Variants in USP54 observed in about 807,000 individuals in gnomAD.
USP54 encodes the protein ubiquitin specific peptidase 54.
A neutral mutation model predicts 170.5 loss-of-function variants in USP54; 87 were observed. The ratio of observed to expected loss-of-function variants is 0.51; its 90% CI spans 0.43 to 0.61. USP54 has a LOEUF of 0.61. USP54 is among the 20% of genes least tolerant of loss of function. The pLI is 0.00. For synonymous variants in USP54, 655 were observed against 742.8 expected, an observed-to-expected ratio of 0.88 and a Z score of 1.92; for missense variants, 1,786 against 2,047.8, an observed-to-expected ratio of 0.87 and a Z score of 2.47.
intron 1 of USP54, among the ~76,000 whole-genome samples, chr10:73,585,901 G>A (rs966408528): frequency 1.3e-5 from 2 of 152,012 alleles, no homozygotes; most frequent in African/African-American, 4.8e-5. Context: ...CGTGCCTGTA[G>A]TCCCAGGAGG....
At chr10:73,543,235 A>G in intron 5 of USP54, 104 bp from the exon 6 acceptor site, 1 of 785,022 alleles carries the variant, frequency 1.3e-6, no homozygotes, top group African/African-American at 1.8e-5. Context: ...TCTGGAAGGT[A>G]GGAATATTTT....
At chr10:73,565,678 C>T (rs74147530) in intron 4 of USP54, among the ~76,000 whole-genome samples, 2,286 of 152,188 alleles carry the variant, frequency 0.015, 67 homozygotes, top group African/African-American at 0.052. Context: ...ACATGAGTAC[C>T]ACCACACTGG....
chr10:73,560,663 CAAAAAAAA>C lies in USP54; in HGVS notation c.240+10750_240+10757del, dbSNP rs751168962. ...TGGGTGACAGTGCAAAACTCCGTCT[CAAAAAAAA>C]AAAAAAAAAAAAAAAAAAGTGAGAC... On this transcript the variant is annotated intron_variant, in intron 4 of 23. Transcript: ENST00000687698. Among the ~76,000 whole-genome samples the C allele has an allele frequency of 1.5e-3, 25 of 16,470 alleles. No homozygotes were observed. The Admixed American group carries it at 0.016, about 11-fold the overall frequency. The allele number at this position is 16,470 out of a possible 152,430, so 10.8% of individuals were successfully genotyped here. A position where few individuals can be genotyped will look rare whatever the true frequency, so the allele number is the denominator to read the frequency against.
At position 73,532,365 on chromosome 10, in the gene USP54, C is replaced by T. The variant is rs768166063; in HGVS notation, c.1316-1530G>A. Among the ~76,000 whole-genome samples the T allele has an allele frequency of 4.6e-5, 7 of 152,086 alleles. No individual in the cohort carries two copies. The South Asian group carries it at 6.2e-4, about 14-fold the overall frequency. Reference sequence around the variant, plus strand: ...CTTTTTGTATTTTTTTTAGTAGAGACGGGGTTTCACCATGTTAGCCAGGAT... The same window carrying T: ...CTTTTTGTATTTTTTTTAGTAGAGATGGGGTTTCACCATGTTAGCCAGGAT... On this transcript the variant is annotated intron_variant, in intron 12 of 23. Coordinates refer to ENST00000687698, the MANE Select transcript of USP54 (RefSeq NM_001391956.1).
At chr10:73,553,199 T>C (rs1321943393) in intron 4 of USP54, 2 of 152,220 alleles carry the variant, frequency 1.3e-5, no homozygotes, top group African/African-American at 4.8e-5. Flanking sequence ...GTCTCCACAA[T>C]ATAATCTTTT....
Position 73,498,369 on chromosome 10 carries a change from G to GTATCATTAAAAAA in USP54, c.*259_*260insTTTTTTAATGATA. 1 of 219,772 alleles carries GTATCATTAAAAAA rather than the reference G, an allele frequency of 4.6e-6. No homozygotes were observed. The highest frequency in any genetic ancestry group is 5.2e-5 in the Admixed American group (1 of 19,400). The allele number at this position is 219,772 out of a possible 1,614,324, so 13.6% of individuals were successfully genotyped here. On this transcript the variant is annotated 3_prime_UTR_variant, in exon 24 of 24. Coordinates refer to ENST00000687698, the MANE Select transcript of USP54 (RefSeq NM_001391956.1). ...CGGCTCACTGCAACCTCTGCCTCCC[G>GTATCATTAAAAAA]GGTTCAAGCAATTCTCCTGCCTCAG... is the stretch of plus-strand genomic sequence containing the variant.
At chr10:73,571,242 C>T (rs1435148109) in intron 4 of USP54, among the ~76,000 whole-genome samples, 179 bp downstream of exon 4, 1 of 151,810 alleles carries the variant, frequency 6.6e-6, no homozygotes, top group Non-Finnish European at 1.5e-5. Context: ...AAGAGACTAC[C>T]CAAGCCAAGT....
At chr10:73,583,464 T>C (rs1397459589) in intron 1 of USP54, among the ~76,000 whole-genome samples, 2 of 152,186 alleles carry the variant, frequency 1.3e-5, no homozygotes, top group Non-Finnish European at 2.9e-5. Flanking sequence ...TTTTGTATTT[T>C]CAGTAAAGAT....
chr10:73,555,506 G>A (rs75152482), intron 4 of USP54, among the ~76,000 whole-genome samples: 1 of 152,124 alleles, frequency 6.6e-6, no homozygotes, highest in South Asian at 2.1e-4. Context: ...ACAAAGACAA[G>A]AGACACAGAT....
At position 73,550,902 on chromosome 10, in the gene USP54, C is replaced by A. The variant is rs548031213; in HGVS notation, c.241-5230G>T. 1.8e-3 allele frequency among the ~76,000 whole-genome samples: 278 copies of A among 152,130 alleles called. 1 individual carries two copies. Among genetic ancestry groups the A allele is most frequent in the African/African-American group, 5.9e-3 (244 of 41,522 alleles). ...TGGGCGGATCACGAGGTCAGGAGAT[C>A]GAGACCATCCTGGCTAACAAGGTGA... is the stretch of plus-strand genomic sequence containing the variant. On this transcript the variant is annotated intron_variant, in intron 4 of 23. Coordinates refer to ENST00000687698, the MANE Select transcript of USP54 (RefSeq NM_001391956.1).
chr10:73,587,645 C>T (rs1288604713), intron 1 of USP54, among the ~76,000 whole-genome samples: 1 of 152,160 alleles, frequency 6.6e-6, no homozygotes, highest in Non-Finnish European at 1.5e-5. Context: ...GCTCCACCAT[C>T]TAACAGCTGT....
At chr10:73,546,046 G>A (rs1009916051) in intron 4 of USP54, among the ~76,000 whole-genome samples, 1 of 152,124 alleles carries the variant, frequency 6.6e-6, no homozygotes, top group Non-Finnish European at 1.5e-5. Flanking sequence ...TTTTCTGGGG[G>A]TTCATCCTAT....
chr10:73,617,100 C>G (rs568484278), intron 1 of USP54, among the ~76,000 whole-genome samples: 58 of 150,368 alleles, frequency 3.9e-4, no homozygotes, highest in Non-Finnish European at 2.2e-4. Flanking sequence ...GAGTTCGAGA[C>G]CAGCCTGACC....
intron 1 of USP54, among the ~76,000 whole-genome samples, chr10:73,598,910 C>G (rs1305528682): frequency 3.3e-5 from 5 of 150,764 alleles, no homozygotes; most frequent in Non-Finnish European, 7.4e-5. Context: ...CAGAGAGAGA[C>G]TCTGTCTCAA....
intron 20 of USP54, among the ~76,000 whole-genome samples, chr10:73,510,007 T>G (rs1475856267): frequency 6.6e-6 from 1 of 151,450 alleles, no homozygotes; most frequent in African/African-American, 2.4e-5. Context: ...AATAAAATAA[T>G]GTAGAGGGGA....
At chr10:73,572,189 CA>C (rs1351174045) in intron 3 of USP54, among the ~76,000 whole-genome samples, 1 of 151,504 alleles carries the variant, frequency 6.6e-6, no homozygotes, top group Non-Finnish European at 1.5e-5. Context: ...GGGGGATATC[CA>C]AAAAAATACT....
Position 73,499,091 on chromosome 10 carries a change from G to A in USP54, c.4593C>T (p.Ser1531=), listed in dbSNP as rs1045227089. Residue 1531 remains serine (S), a synonymous_variant, in exon 24 of 24, where the codon AGC becomes AGT. Coordinates refer to ENST00000687698, the MANE Select transcript of USP54 (RefSeq NM_001391956.1). ...TGTCTGTTCTGGAGCGATGGGGGAG[G>A]CTCTGGTAGTTCAAAGTCCTTCCTG... ...KYTGRTLNYQ[S]LPHRSRTDNS... The A allele has an allele frequency of 6.2e-7, 1 of 1,614,134 alleles. No homozygotes were observed. Among genetic ancestry groups the A allele is most frequent in the Non-Finnish European group, 8.5e-7 (1 of 1,180,028 alleles).
chr10:73,607,639 T>C (rs988294535), intron 1 of USP54, among the ~76,000 whole-genome samples: 1 of 151,436 alleles, frequency 6.6e-6, no homozygotes, highest in Non-Finnish European at 1.5e-5. Flanking sequence ...AAGATCACCC[T>C]GACCAACATG....
At chr10:73,616,149 G>A (rs1209895922) in intron 1 of USP54, among the ~76,000 whole-genome samples, 1 of 149,692 alleles carries the variant, frequency 6.7e-6, no homozygotes, top group Non-Finnish European at 1.5e-5. Context: ...GACTAGCCTG[G>A]CGAACATGGT....
Sources: gnomAD v4.1 joint callset for allele counts (sites outside exome capture counted in the v4.1 genomes callset) on GRCh38, gnomAD v4.1.1 for gene constraint, MANE v1.5 for transcripts, NCBI Gene and HGNC (gene_info 2026-07-23, HGNC 2026-07-21) for gene names.